Variants in CRPPA observed in about 807,000 individuals in gnomAD.
CRPPA encodes the protein CDP-L-ribitol pyrophosphorylase A.
CRPPA carries 43 observed loss-of-function variants against 52.0 expected under a neutral mutation model. The ratio of observed to expected loss-of-function variants is 0.83; its 90% CI spans 0.65 to 1.07. The LOEUF (loss-of-function observed/expected upper bound fraction) is 1.07, where lower values mean the gene tolerates loss of function less well. CRPPA is among the 50% of genes least tolerant of loss of function. CRPPA has a pLI of 0.00. For missense variants in CRPPA, 629 were observed against 551.7 expected, an observed-to-expected ratio of 1.14 and a Z score of -1.40; for synonymous variants, 250 against 203.5, an observed-to-expected ratio of 1.23 and a Z score of -1.94.
chr7:16,280,170 G>C (rs1167630187), intron 5 of CRPPA, among the ~76,000 whole-genome samples: 1 of 152,152 alleles, frequency 6.6e-6, no homozygotes, highest in African/African-American at 2.4e-5. Flanking sequence ...GATTTGGGTG[G>C]GGACACAGCC....
chr7:16,090,003 T>G lies in CRPPA; in HGVS notation c.*1692A>C, dbSNP rs1040773774. 5.2e-5 allele frequency: 8 copies of G among 153,578 alleles called. No individual in the cohort carries two copies. The highest frequency in any genetic ancestry group is 1.7e-4 in the African/African-American group (7 of 41,424). The allele number at this position is 153,578 out of a possible 1,614,324, so 9.5% of individuals were successfully genotyped here. On this transcript the variant is annotated 3_prime_UTR_variant, in exon 10 of 10. Coordinates refer to ENST00000407010, the MANE Select transcript of CRPPA (RefSeq NM_001101426.4). ...ATTTTCACCTGATGACTTCAACAGG[T>G]GCATGTTGGGGACTTGGCAGCTGTG...
intron 9 of CRPPA, among the ~76,000 whole-genome samples, chr7:16,204,790 A>T (rs757748828): frequency 1.4e-4 from 22 of 152,212 alleles, no homozygotes; most frequent in Non-Finnish European, 2.1e-4. Flanking sequence ...CCCTGTCTTC[A>T]TAAGCTTTGA....
At chr7:16,394,519 T>C (rs954470306) in intron 2 of CRPPA, among the ~76,000 whole-genome samples, 6 of 152,110 alleles carry the variant, frequency 3.9e-5, no homozygotes, top group Non-Finnish European at 8.8e-5. Flanking sequence ...TGGGAGGAGA[T>C]AGTTTCAATG....
At chr7:16,286,068 T>TAATATTTAAA (rs1784434433) in intron 5 of CRPPA, among the ~76,000 whole-genome samples, 1 of 24,066 alleles carries the variant, frequency 4.2e-5, no homozygotes, top group African/African-American at 2.6e-4. Flanking sequence ...TATATATATA[T>TAATATTTAAA]ATATATATAT....
chr7:16,417,572 CGGAGCTAAACAAT>C (rs1248781611), intron 1 of CRPPA, among the ~76,000 whole-genome samples: 1 of 152,050 alleles, frequency 6.6e-6, no homozygotes, highest in Non-Finnish European at 1.5e-5. Flanking sequence ...TCTCCTAAGA[CGGAGCTAAACAAT>C]GGGTACTCAT....
intron 9 of CRPPA, among the ~76,000 whole-genome samples, chr7:16,144,757 G>C (rs985724899): frequency 8.5e-5 from 13 of 152,092 alleles, no homozygotes; most frequent in Non-Finnish European, 1.5e-5. Flanking sequence ...CTGGCTGATG[G>C]GGGCTGCATT....
At chr7:16,244,637 A>G in intron 8 of CRPPA, among the ~76,000 whole-genome samples, 1 of 152,174 alleles carries the variant, frequency 6.6e-6, no homozygotes. Context: ...ATTTTTCTTT[A>G]AATATCTGTT....
At chr7:16,406,919 CA>C (rs1787967581) in intron 1 of CRPPA, among the ~76,000 whole-genome samples, 1 of 152,146 alleles carries the variant, frequency 6.6e-6, no homozygotes, top group Non-Finnish European at 1.5e-5. Context: ...GAAAAGCTTA[CA>C]ATTCATGAAA....
intron 9 of CRPPA, among the ~76,000 whole-genome samples, chr7:16,121,132 C>CA (rs1183661699): frequency 6.6e-6 from 1 of 152,070 alleles, no homozygotes; most frequent in Non-Finnish European, 1.5e-5. Flanking sequence ...CTGAAAAACT[C>CA]AGAGTCCAAA....
intron 9 of CRPPA, among the ~76,000 whole-genome samples, chr7:16,133,549 G>A (rs1782714859): frequency 8.0e-6 from 1 of 124,388 alleles, no homozygotes; most frequent in African/African-American, 2.6e-5. Context: ...GCTGTGTGAT[G>A]CTAATCATCT....
intron 9 of CRPPA, among the ~76,000 whole-genome samples, chr7:16,119,011 A>C (rs1782432206): frequency 6.6e-6 from 1 of 151,998 alleles, no homozygotes; most frequent in South Asian, 2.1e-4. Flanking sequence ...CCTCTGCCCC[A>C]TTCACTCACT....
In CRPPA at chr7:16,198,765, C is replaced by T. The variant is rs527440436; in HGVS notation, c.1251+17301G>A. ...AAACGGTTTCATCATGTTGCCCTAG[C>T]TAATCTTAAACTCCTGGGCTCACGC... On this transcript the variant is annotated intron_variant, in intron 9 of 9. Transcript: ENST00000407010. 8.6e-5 allele frequency among the ~76,000 whole-genome samples: 13 copies of T among 151,126 alleles called. No individual in the cohort carries two copies. In the South Asian group the frequency reaches 2.7e-3, roughly 32 times the overall value.
intron 3 of CRPPA, among the ~76,000 whole-genome samples, chr7:16,344,925 G>A (rs1020019263): frequency 6.6e-6 from 1 of 151,736 alleles, no homozygotes; most frequent in African/African-American, 2.4e-5. Flanking sequence ...ACAGAGAAAG[G>A]AGCAGAAATA....
At chr7:16,174,307 G>C (rs1482860798) in intron 9 of CRPPA, among the ~76,000 whole-genome samples, 2 of 152,170 alleles carry the variant, frequency 1.3e-5, no homozygotes, top group Non-Finnish European at 2.9e-5. Context: ...TATGAAGTCA[G>C]GGTCAACAAA....
intron 9 of CRPPA, among the ~76,000 whole-genome samples, chr7:16,174,843 C>T (rs1410907986): frequency 6.6e-6 from 1 of 152,144 alleles, no homozygotes; most frequent in Non-Finnish European, 1.5e-5. Context: ...CATTATTCAG[C>T]AAAGAGCTCA....
intron 2 of CRPPA, among the ~76,000 whole-genome samples, chr7:16,389,928 A>AAAAAAAAT: frequency 1.3e-4 from 4 of 29,760 alleles, no homozygotes; most frequent in African/African-American, 6.9e-4. Flanking sequence ...AAAAAAAAAA[A>AAAAAAAAT]ATATATATAT....
intron 6 of CRPPA, among the ~76,000 whole-genome samples, chr7:16,261,633 C>T (rs1341638134): frequency 6.6e-6 from 1 of 151,246 alleles, no homozygotes; most frequent in Non-Finnish European, 1.5e-5. Flanking sequence ...TTTTTAGGTT[C>T]CTTGAGTTTT....
intron 9 of CRPPA, among the ~76,000 whole-genome samples, chr7:16,129,682 G>C (rs191319747): frequency 2.6e-4 from 39 of 152,224 alleles, no homozygotes; most frequent in African/African-American, 9.1e-4. Flanking sequence ...GGGGAGCTAA[G>C]CAAGATTTGT....
chr7:16,372,761 C>T (rs1786780127), intron 3 of CRPPA, among the ~76,000 whole-genome samples: 1 of 152,118 alleles, frequency 6.6e-6, no homozygotes, highest in Non-Finnish European at 1.5e-5. Context: ...ATGGATAAAG[C>T]CAACCAAGTA....
Sources: allele counts gnomAD v4.1 joint callset (sites outside exome capture counted in the v4.1 genomes callset), GRCh38; gene constraint gnomAD v4.1.1; transcripts MANE v1.5; gene names NCBI Gene and HGNC (gene_info 2026-07-23, HGNC 2026-07-21).